Variants in ITFG2 observed in about 807,000 individuals in gnomAD.
ITFG2 encodes the protein KICSTOR complex protein ITFG2.
Under a neutral mutation model 54.4 loss-of-function variants are expected in ITFG2, and 36 were observed. That is an observed-to-expected ratio of 0.66 (90% CI 0.51 to 0.87). The LOEUF (loss-of-function observed/expected upper bound fraction) is 0.87, where lower values mean the gene tolerates loss of function less well. Ranked by LOEUF, ITFG2 falls within the 40% of genes least tolerant of loss-of-function variation. ITFG2 has a pLI of 0.00. For missense variants in ITFG2, 524 were observed against 576.7 expected (o/e 0.91, Z 0.94); for synonymous variants, 211 against 225.4 (o/e 0.94, Z 0.57).
chr12:2,848,830 C>T (rs2098060396), intron 2 of ITFG2, among the ~76,000 whole-genome samples: 1 of 151,302 alleles, frequency 6.6e-6, no homozygotes, highest in African/African-American at 2.4e-5. Context: ...TCTTCTTATC[C>T]ATGTTTCTTA....
At chr12:2,858,976 C>G in intron 3 of ITFG2, 1 of 1,613,444 alleles carries the variant, frequency 6.2e-7, no homozygotes, top group Non-Finnish European at 8.5e-7. Flanking sequence ...CCCAGGGGGT[C>G]AGGCAAGGGG....
At chr12:2,858,200 C>T (rs773877794) in exon 3 of ITFG2, 66 of 158,782 alleles carry the variant, frequency 4.2e-4, no homozygotes, top group Non-Finnish European at 8.2e-4. Flanking sequence ...CAATTGAAAC[C>T]CCAGGTCATC....
At position 2,820,861 on chromosome 12, in the gene ITFG2, G is replaced by A. The variant is rs2968908; in HGVS notation, c.684G>A (p.Thr228=). 4.4e-3 allele frequency: 7,121 copies of A among 1,613,970 alleles called. 256 individuals are homozygous for A. In the African/African-American group the frequency reaches 0.081, roughly 18 times the overall value. The change falls in exon 6 of 12, where the codon ACG becomes ACA. Residue 228 remains threonine, a synonymous_variant. Transcript: ENST00000228799. ...CCCCTCCTGCCTCTGAAGGGCCCAC[G>A]GATGGTAGTAGGTAAGGGGGTACAG... The part of the protein sequence containing the change: ...TGSPPASEGP[T]DGSRETPAAR...
intron 2 of ITFG2, chr12:2,849,296 G>C (rs1279847685): frequency 6.5e-7 from 1 of 1,536,174 alleles, no homozygotes; most frequent in South Asian, 1.2e-5. Flanking sequence ...GCCTTGGAGA[G>C]ATGGTGGAGG....
chr12:2,815,565 C>G (rs2097919462), intron 1 of ITFG2, among the ~76,000 whole-genome samples: 1 of 152,218 alleles, frequency 6.6e-6, no homozygotes, highest in Admixed American at 6.5e-5. Context: ...AGGGAAGGCC[C>G]CAAGAGTTCA....
chr12:2,817,756 G>C (rs2097926395), intron 2 of ITFG2, 153 bp from the exon 3 acceptor site: 3 of 687,454 alleles, frequency 4.4e-6, no homozygotes, highest in Non-Finnish European at 7.2e-6. Context: ...GCACAGTAAC[G>C]CCGTTAATAA....
chr12:2,853,613 GTT>G (rs1394161799), intron 2 of ITFG2, among the ~76,000 whole-genome samples: 1 of 113,950 alleles, frequency 8.8e-6, no homozygotes, highest in African/African-American at 3.1e-5. Context: ...TTTTGTTTTT[GTT>G]TTTTTTTCAG....
In ITFG2 at chr12:2,845,912, G is replaced by T. The variant is rs555154193; in HGVS notation, n.300+4917G>T. On this transcript the variant is annotated intron_variant and non_coding_transcript_variant, in intron 2 of 3. Coordinates refer to the ITFG2 transcript ENST00000537710. This position sits in a 1 kb window ranked among gnomAD's most constrained non-coding sequence, Gnocchi z 4.2. ...AGTTAGGGTCTCACTGTATTCCCCAGGCTGGTCTGAAACTCCTGGGCTCAA... is the reference window on the plus strand; with the variant it reads ...AGTTAGGGTCTCACTGTATTCCCCATGCTGGTCTGAAACTCCTGGGCTCAA... Among the ~76,000 whole-genome samples, 86 of 152,158 alleles carry T rather than the reference G, an allele frequency of 5.7e-4. 1 individual carries two copies. The highest frequency in any genetic ancestry group is 2.0e-3 in the African/African-American group (84 of 41,512).
At chr12:2,821,224 T>C in intron 6 of ITFG2, 38 bp from the exon 7 acceptor site, 1 of 1,512,600 alleles carries the variant, frequency 6.6e-7, no homozygotes, top group Non-Finnish European at 9.1e-7. Flanking sequence ...CTCAGCTCAC[T>C]TGGTCTCCCG....
intron 3 of ITFG2, chr12:2,858,768 C>T: frequency 1.2e-6 from 2 of 1,614,198 alleles, no homozygotes; most frequent in Middle Eastern, 1.6e-4. Flanking sequence ...CAGGACCAGG[C>T]CTTCTGTCAG....
chr12:2,838,661 C>G (rs573673547), intron 1 of ITFG2, among the ~76,000 whole-genome samples: 14 of 152,250 alleles, frequency 9.2e-5, no homozygotes, highest in Admixed American at 5.9e-4. Flanking sequence ...AGAGTTGGCC[C>G]CTGTGTTCTG....
At chr12:2,842,120 C>CTTTTTTTTTTTTTTTTTTTTTTTTTTTTT (rs71057841) in intron 2 of ITFG2, among the ~76,000 whole-genome samples, 1 of 108,718 alleles carries the variant, frequency 9.2e-6, no homozygotes, top group African/African-American at 3.7e-5. Flanking sequence ...TCACTTGTTT[C>CTTTTTTTTTTTTTTTTTTTTTTTTTTTTT]TTTTTTTTTT....
chr12:2,812,906 G>C (rs779746929), intron 1 of ITFG2, 50 bp downstream of exon 1: 40 of 1,507,810 alleles, frequency 2.7e-5, no homozygotes, highest in Non-Finnish European at 3.6e-5. Flanking sequence ...GCAGGGACGG[G>C]GCAAGGGAAG....
At chr12:2,819,948 CG>C in intron 4 of ITFG2, 137 bp from the exon 5 acceptor site, 4 of 1,087,538 alleles carry the variant, frequency 3.7e-6, no homozygotes, top group South Asian at 3.8e-5. Flanking sequence ...CAGGCAGGGG[CG>C]GGGGCAGACT....
chr12:2,827,058 T>C, downstream of ITFG2: 3 of 1,479,408 alleles, frequency 2.0e-6, no homozygotes, highest in African/African-American at 1.4e-5. The surrounding 1 kb of genome is among the most constrained non-coding windows in gnomAD (Gnocchi z 4.0). Flanking sequence ...TGCGGCCAGC[T>C]GGGGAAAATG....
At chr12:2,836,390 G>A (rs957011272), upstream of ITFG2, among the ~76,000 whole-genome samples, 3 of 152,194 alleles carry the variant, frequency 2.0e-5, no homozygotes, top group Non-Finnish European at 4.4e-5. Flanking sequence ...TGCTCACAGG[G>A]TGATTACCCC....
At chr12:2,837,052 C>T (rs761294095) in intron 1 of ITFG2, 3 of 152,252 alleles carry the variant, frequency 2.0e-5, no homozygotes, top group Admixed American at 6.5e-5. Context: ...AGTCTTAGGA[C>T]CCAGCACAGT....
At chr12:2,848,883 A>G (rs1384775306) in intron 2 of ITFG2, among the ~76,000 whole-genome samples, 5 of 149,182 alleles carry the variant, frequency 3.4e-5, no homozygotes, top group South Asian at 2.1e-4. Flanking sequence ...ACACGCACAC[A>G]CACACACACA....
At chr12:2,831,285 A>G (rs903460786), downstream of ITFG2, among the ~76,000 whole-genome samples, 1 of 151,760 alleles carries the variant, frequency 6.6e-6, no homozygotes, top group Non-Finnish European at 1.5e-5. Context: ...GAAAAACAGT[A>G]AGAAACTCAA....
Sources: gnomAD v4.1 joint callset for allele counts (sites outside exome capture counted in the v4.1 genomes callset) on GRCh38, gnomAD v4.1.1 for gene constraint, Gnocchi (gnomAD v3.1) non-coding constraint, MANE v1.5 for transcripts, NCBI Gene and HGNC (gene_info 2026-07-23, HGNC 2026-07-21) for gene names.